The following SYNE2 variants were observed in gnomAD, a reference collection of about 807,000 sequenced individuals.
SYNE2 encodes the protein spectrin repeat containing nuclear envelope protein 2.
A neutral mutation model predicts 856.3 loss-of-function variants in SYNE2; 431 were observed. The observed-to-expected ratio is 0.50, with a 90% confidence interval of 0.47 to 0.55. The LOEUF (loss-of-function observed/expected upper bound fraction) is 0.55, where lower values mean the gene tolerates loss of function less well. SYNE2 is among the 20% of genes least tolerant of loss of function. The pLI, the probability that SYNE2 is intolerant of heterozygous loss-of-function variation, is 0.00. For synonymous variants in SYNE2, 2,923 were observed against 2,872.3 expected, an observed-to-expected ratio of 1.02 and a Z score of -0.56; for missense variants, 8,129 against 8,023.2, an observed-to-expected ratio of 1.01 and a Z score of -0.50.
chr14:64,013,358 A>G (rs900746194), intron 32 of SYNE2, among the ~76,000 whole-genome samples: 2 of 150,544 alleles, frequency 1.3e-5, no homozygotes, highest in African/African-American at 4.9e-5. Context: ...AGGGAGTTAC[A>G]AGTGCAAATT....
intron 1 of SYNE2, among the ~76,000 whole-genome samples, chr14:63,838,684 T>A (rs1043637139): frequency 6.6e-6 from 1 of 152,074 alleles, no homozygotes; most frequent in East Asian, 1.9e-4. Context: ...AATTTTAAAA[T>A]TTTTTGTAGA....
intron 2 of SYNE2, among the ~76,000 whole-genome samples, chr14:63,935,174 G>T (rs2095814885): frequency 6.6e-6 from 1 of 152,134 alleles, no homozygotes; most frequent in Non-Finnish European, 1.5e-5. Context: ...TTACTTCGTT[G>T]AGAGAAATTT....
Position 64,101,796 on chromosome 14 carries a change from G to A in SYNE2, c.12382-136G>A, listed in dbSNP as rs943402766. ...AAAAAAATACAGATAAAAAAATGGG[G>A]GAGGACTGCAATAAAGGGCTGTGGT... On this transcript the variant is annotated intron_variant, in intron 63 of 115. Transcript: ENST00000555002. 2.5e-5 allele frequency: 17 copies of A among 688,344 alleles called. No homozygotes were observed. The Admixed American group carries it at 3.7e-4, about 15-fold the overall frequency. The allele number at this position is 688,344 out of a possible 1,614,324, so 42.6% of individuals were successfully genotyped here.
At chr14:64,123,411 A>G (rs1400747317) in intron 70 of SYNE2, among the ~76,000 whole-genome samples, 2 of 152,158 alleles carry the variant, frequency 1.3e-5, no homozygotes, top group Admixed American at 6.5e-5. Flanking sequence ...TGATTTCCCA[A>G]TTTCCCAGTC....
chr14:64,134,763 G>A (rs1478926922), intron 78 of SYNE2, among the ~76,000 whole-genome samples: 2 of 151,912 alleles, frequency 1.3e-5, no homozygotes, highest in Non-Finnish European at 2.9e-5. Context: ...GATTGCCTGG[G>A]CTCAGGAGTT....
rs574920741 is a variant in SYNE2, at chr14:64,157,450, T to A, written c.15793-1175T>A. 5.9e-5 allele frequency among the ~76,000 whole-genome samples: 9 copies of A among 152,372 alleles called. No homozygotes were observed. In the South Asian group the frequency reaches 1.9e-3, roughly 32 times the overall value. On this transcript the variant is annotated intron_variant, in intron 85 of 115. Transcript: ENST00000555002. Reference sequence around the variant, plus strand: ...TTTATTTTTATGGCTAATATTCCATTGTATGGATATACCATATTTAGTTTA... The same window carrying A: ...TTTATTTTTATGGCTAATATTCCATAGTATGGATATACCATATTTAGTTTA...
rs2096967099 is a variant in SYNE2 at position 64,025,058 on chromosome 14, T to A, written c.5960+27T>A. ...TATAGCTGATCTTGTATGAAATACATTACCTGAGATTATGGTTTCTTCCAT... is the reference window on the plus strand; with the variant it reads ...TATAGCTGATCTTGTATGAAATACAATACCTGAGATTATGGTTTCTTCCAT... On this transcript the variant is annotated intron_variant, in intron 40 of 115. Coordinates refer to ENST00000555002, the MANE Select transcript of SYNE2 (RefSeq NM_182914.3). 5 of 1,614,000 alleles carry A rather than the reference T, an allele frequency of 3.1e-6. No homozygotes were observed. The East Asian group carries it at 1.1e-4, about 36-fold the overall frequency.
intron 109 of SYNE2, 93 bp from the exon 110 acceptor site, chr14:64,219,115 T>G (rs1207665993): frequency 6.2e-6 from 6 of 968,944 alleles, no homozygotes; most frequent in Non-Finnish European, 8.8e-6. Context: ...TTTTTTTTTT[T>G]TTTTTTTTTA....
At chr14:63,874,650 C>T (rs1335848143) in intron 1 of SYNE2, among the ~76,000 whole-genome samples, 6 of 152,018 alleles carry the variant, frequency 3.9e-5, no homozygotes, top group Admixed American at 3.3e-4. Context: ...GCCTATTTGC[C>T]ATAACTGCTT....
At chr14:63,802,894 G>A (rs1440419536) in intron 1 of SYNE2, among the ~76,000 whole-genome samples, 1 of 152,158 alleles carries the variant, frequency 6.6e-6, no homozygotes, top group African/African-American at 2.4e-5. Flanking sequence ...GAGTGAAACT[G>A]CAGATCTTCG....
intron 7 of SYNE2, among the ~76,000 whole-genome samples, 179 bp downstream of exon 7, chr14:63,950,185 A>G (rs2096128188): frequency 6.6e-6 from 1 of 152,144 alleles, no homozygotes; most frequent in African/African-American, 2.4e-5. Flanking sequence ...CAAAGTCTGG[A>G]AGGTGGTATC....
At chr14:64,112,590 C>T (rs917227508) in intron 65 of SYNE2, among the ~76,000 whole-genome samples, 1 of 152,022 alleles carries the variant, frequency 6.6e-6, no homozygotes, top group Non-Finnish European at 1.5e-5. Flanking sequence ...GATAAACAAC[C>T]CAGTTATTTC....
rs1234606664 is a variant in SYNE2 at position 64,219,064 on chromosome 14, A to C, written c.19658-144A>C. 4 of 753,844 alleles carry C rather than the reference A, an allele frequency of 5.3e-6. No homozygotes were observed. The African/African-American group carries it at 7.2e-5, about 14-fold the overall frequency. The allele number at this position is 753,844 out of a possible 1,614,324, so 46.7% of individuals were successfully genotyped here. On this transcript the variant is annotated intron_variant, in intron 109 of 115. Transcript: ENST00000555002. Reference sequence around the variant, plus strand: ...TCCAGGAGAAGAGAGAACTCCCAAAACCAGACCCTTCTGTCAGGGGAATCC... The same window carrying C: ...TCCAGGAGAAGAGAGAACTCCCAAACCCAGACCCTTCTGTCAGGGGAATCC...
intron 1 of SYNE2, among the ~76,000 whole-genome samples, chr14:63,774,328 A>T (rs1213826294): frequency 6.6e-6 from 1 of 151,862 alleles, no homozygotes; most frequent in Non-Finnish European, 1.5e-5. Context: ...AATTAGCCAG[A>T]TGTAGTTGTG....
At chr14:63,900,479 C>G (rs2095322360) in intron 1 of SYNE2, among the ~76,000 whole-genome samples, 1 of 152,136 alleles carries the variant, frequency 6.6e-6, no homozygotes, top group Admixed American at 6.6e-5. Flanking sequence ...ACCATCAGAT[C>G]TCATGAGACT....
Position 64,074,136 on chromosome 14 carries a change from GGTAA to G in SYNE2, c.10866+3_10866+6del. 6.2e-7 allele frequency: 1 copy of G among 1,613,962 alleles called. No individual in the cohort carries two copies. Among genetic ancestry groups the G allele is most frequent in the Non-Finnish European group, 8.5e-7 (1 of 1,179,826 alleles). On this transcript the variant is annotated splice_donor_variant and splice_donor_region_variant and intron_variant, in intron 53 of 115. Coordinates refer to ENST00000555002, the MANE Select transcript of SYNE2 (RefSeq NM_182914.3). LOFTEE classifies it high-confidence loss of function. Reference sequence around the variant, plus strand: ...ACCCAGAAAAGTCAGAACAATTTGAGGTAAGTGAGGAATGAATTAGTGAATGTGG... The same window carrying G: ...ACCCAGAAAAGTCAGAACAATTTGAGGTGAGGAATGAATTAGTGAATGTGG...
intron 49 of SYNE2, 32 bp from the exon 50 acceptor site, chr14:64,062,719 A>G (rs1206186078): frequency 1.3e-6 from 2 of 1,585,766 alleles, no homozygotes; most frequent in Non-Finnish European, 1.7e-6. Context: ...ATAAAATTTA[A>G]TACCACTTTT....
At chr14:64,215,781 G>C (rs1037577503) in intron 107 of SYNE2, 3 of 462,976 alleles carry the variant, frequency 6.5e-6, no homozygotes, top group African/African-American at 2.0e-5. Context: ...CCACAGGAGG[G>C]AAAAAACCTT....
intron 8 of SYNE2, among the ~76,000 whole-genome samples, chr14:63,957,264 ATTTT>A (rs4027476): frequency 2.7e-5 from 3 of 110,812 alleles, no homozygotes; most frequent in East Asian, 5.3e-4. Flanking sequence ...TGCCCAGCTA[ATTTT>A]TTTTTTTTTT....
Sources: allele counts gnomAD v4.1 joint callset (sites outside exome capture counted in the v4.1 genomes callset), GRCh38; gene constraint gnomAD v4.1.1; transcripts MANE v1.5; gene names NCBI Gene and HGNC (gene_info 2026-07-23, HGNC 2026-07-21).